Variants in LRP1B observed in about 807,000 individuals in gnomAD.
LRP1B encodes low-density lipoprotein receptor-related protein 1B.
In LRP1B, 217 loss-of-function variants were observed where a neutral mutation model predicts 556.6. The ratio of observed to expected loss-of-function variants is 0.39; its 90% CI spans 0.35 to 0.44. The LOEUF (loss-of-function observed/expected upper bound fraction) is 0.44, where lower values mean the gene tolerates loss of function less well. Ranked by LOEUF, LRP1B falls within the 20% of genes least tolerant of loss-of-function variation. LRP1B has a pLI of 1.00. For missense variants in LRP1B, 5,053 were observed against 5,620.8 expected (o/e 0.90, Z 3.23); for synonymous variants, 2,047 against 1,865.8 (o/e 1.10, Z -2.50).
intron 2 of LRP1B, among the ~76,000 whole-genome samples, chr2:141,707,616 A>C (rs1471384240): frequency 1.3e-5 from 2 of 152,164 alleles, no homozygotes; most frequent in Non-Finnish European, 2.9e-5. Context: ...TTGAAAATAC[A>C]TGTTCTTTAT....
At chr2:141,782,270 T>C (rs893241704) in intron 2 of LRP1B, among the ~76,000 whole-genome samples, 1 of 152,092 alleles carries the variant, frequency 6.6e-6, no homozygotes, top group African/African-American at 2.4e-5. Context: ...CTTCAAATTT[T>C]CTAGAGGATA....
At chr2:141,464,599 TATA>T (rs1682093937) in intron 3 of LRP1B, among the ~76,000 whole-genome samples, 2 of 55,102 alleles carry the variant, frequency 3.6e-5, no homozygotes, top group Non-Finnish European at 8.9e-5. Flanking sequence ...TATATATATA[TATA>T]TATATTTTTT....
chr2:141,644,774 CACACACACACA>C (rs946431832), intron 2 of LRP1B, among the ~76,000 whole-genome samples: 4 of 144,136 alleles, frequency 2.8e-5, no homozygotes, highest in African/African-American at 1.1e-4. Context: ...CATACACATG[CACACACACACA>C]ACACACACAC....
chr2:142,076,925 G>T (rs2104922477), intron 1 of LRP1B, among the ~76,000 whole-genome samples: 1 of 152,148 alleles, frequency 6.6e-6, no homozygotes, highest in East Asian at 1.9e-4. Context: ...ATCATTTGAG[G>T]TGTCACCTTA....
chr2:140,443,552 G>A (rs4575657), intron 65 of LRP1B, among the ~76,000 whole-genome samples: 87,043 of 152,014 alleles, frequency 0.57, 25,184 homozygotes, highest in East Asian at 0.73. Context: ...GTTTTTGAGG[G>A]ATACAATAAA....
At chr2:141,512,131 C>A (rs1426875093) in intron 2 of LRP1B, among the ~76,000 whole-genome samples, 1 of 152,138 alleles carries the variant, frequency 6.6e-6, no homozygotes, top group South Asian at 2.1e-4. Flanking sequence ...TCAACATATA[C>A]CCTACCCTCT....
chr2:141,980,177 T>C (rs1401683603), intron 1 of LRP1B, among the ~76,000 whole-genome samples: 1 of 152,050 alleles, frequency 6.6e-6, no homozygotes, highest in Admixed American at 6.6e-5. Context: ...CCTTGAGAGA[T>C]CTAGGAATGT....
At chr2:141,461,537 A>T (rs4954704) in intron 3 of LRP1B, among the ~76,000 whole-genome samples, 1 of 152,152 alleles carries the variant, frequency 6.6e-6, no homozygotes, top group African/African-American at 2.4e-5. Context: ...TATCTATACA[A>T]TAATGAGAAC....
At position 140,585,876 on chromosome 2, in the gene LRP1B, T is replaced by C. The variant is rs369957687; in HGVS notation, c.7194+12755A>G. ...GTGGAAAATCAGTGATTTCAATGTC[T>C]TTGGCCTGCAGCTCATGCCATATCA... On this transcript the variant is annotated intron_variant, in intron 43 of 90. Coordinates refer to ENST00000389484, the MANE Select transcript of LRP1B (RefSeq NM_018557.3). 3.7e-4 allele frequency among the ~76,000 whole-genome samples: 56 copies of C among 152,314 alleles called. 1 individual carries two copies. Among genetic ancestry groups the C allele is most frequent in the Middle Eastern group, 6.8e-3 (2 of 294 alleles).
At position 141,182,159 on chromosome 2, in the gene LRP1B, A is replaced by C. The variant is rs188597453; in HGVS notation, c.1013+6262T>G. On this transcript the variant is annotated intron_variant, in intron 7 of 90. Coordinates refer to ENST00000389484, the MANE Select transcript of LRP1B (RefSeq NM_018557.3). ...TTAACTACCACCAGAAGTGTTACTCATCCAAAAAAAGATAGTAGGAGAGTC... is the reference window on the plus strand; with the variant it reads ...TTAACTACCACCAGAAGTGTTACTCCTCCAAAAAAAGATAGTAGGAGAGTC... Among the ~76,000 whole-genome samples, 10 of 152,102 alleles carry C rather than the reference A, an allele frequency of 6.6e-5. No individual in the cohort carries two copies. In the East Asian group the frequency reaches 1.8e-3, roughly 27 times the overall value.
intron 41 of LRP1B, among the ~76,000 whole-genome samples, chr2:140,603,865 A>G (rs1036908118): frequency 9.9e-5 from 15 of 152,112 alleles, no homozygotes; most frequent in African/African-American, 1.2e-4. Flanking sequence ...CAAAAAGCCA[A>G]TTAAAATTAT....
intron 1 of LRP1B, among the ~76,000 whole-genome samples, chr2:142,122,685 C>T (rs1444276337): frequency 1.3e-5 from 2 of 151,944 alleles, no homozygotes; most frequent in African/African-American, 4.8e-5. Context: ...GCCCAGTGGG[C>T]ACAATCTGTA....
At chr2:141,226,896 T>C (rs1254232067) in intron 6 of LRP1B, among the ~76,000 whole-genome samples, 2 of 152,116 alleles carry the variant, frequency 1.3e-5, no homozygotes, top group East Asian at 3.9e-4. Flanking sequence ...ATTTAATCAC[T>C]TTTTTCTAAA....
At chr2:141,453,496 G>T (rs1424482269) in intron 3 of LRP1B, among the ~76,000 whole-genome samples, 2 of 152,094 alleles carry the variant, frequency 1.3e-5, no homozygotes, top group African/African-American at 4.8e-5. Context: ...TTGTGTACCT[G>T]CCATGCAACA....
At chr2:140,643,582 T>C (rs888511571) in intron 41 of LRP1B, among the ~76,000 whole-genome samples, 1 of 152,232 alleles carries the variant, frequency 6.6e-6, no homozygotes, top group African/African-American at 2.4e-5. Context: ...GGCAAGCTGA[T>C]GTGAACAAAG....
intron 35 of LRP1B, among the ~76,000 whole-genome samples, chr2:140,764,539 G>A (rs1689036475): frequency 6.6e-6 from 1 of 152,154 alleles, no homozygotes; most frequent in African/African-American, 2.4e-5. Context: ...GACTAATAAA[G>A]AGGGATTCTT....
At chr2:140,418,879 T>A (rs1210177183) in intron 66 of LRP1B, among the ~76,000 whole-genome samples, 1 of 152,096 alleles carries the variant, frequency 6.6e-6, no homozygotes, top group Non-Finnish European at 1.5e-5. Flanking sequence ...GAAACTGGTC[T>A]CCGGTGCCGA....
chr2:142,015,991 C>CAAA (rs70994471), intron 1 of LRP1B, among the ~76,000 whole-genome samples: 3 of 38,794 alleles, frequency 7.7e-5, no homozygotes, highest in African/African-American at 2.1e-4. Context: ...GACTCCATCT[C>CAAA]AAAAAAAAAA....
intron 2 of LRP1B, among the ~76,000 whole-genome samples, chr2:141,707,924 G>T (rs1487182781): frequency 6.6e-6 from 1 of 152,038 alleles, no homozygotes; most frequent in Non-Finnish European, 1.5e-5. Flanking sequence ...TTAGAAACTG[G>T]AAATCTTCTA....
Sources: allele counts gnomAD v4.1 joint callset (sites outside exome capture counted in the v4.1 genomes callset), GRCh38; gene constraint gnomAD v4.1.1; transcripts MANE v1.5; gene names NCBI Gene and HGNC (gene_info 2026-07-23, HGNC 2026-07-21).